The following PPP2R2A variants were observed in gnomAD, a reference collection of about 807,000 sequenced individuals.
The protein encoded by PPP2R2A is protein phosphatase 2 regulatory subunit Balpha.
PPP2R2A carries 9 observed loss-of-function variants against 53.2 expected under a neutral mutation model. The observed-to-expected ratio is 0.17, with a 90% CI of 0.10 to 0.30. The LOEUF (loss-of-function observed/expected upper bound fraction) is 0.30, where lower values mean the gene tolerates loss of function less well. Among genes scored for constraint, PPP2R2A ranks in the 10% least tolerant of loss-of-function variants. The probability of loss-of-function intolerance (pLI) is 1.00; values close to 1 mark genes in which losing one functional copy is unlikely to be tolerated. For synonymous variants in PPP2R2A, 169 were observed against 174.2 expected, an observed-to-expected ratio of 0.97 and a Z score of 0.23; for missense variants, 235 against 534.6, an observed-to-expected ratio of 0.44 and a Z score of 5.53.
intron 2 of PPP2R2A, among the ~76,000 whole-genome samples, chr8:26,326,187 T>C (rs944526140): frequency 2.6e-5 from 4 of 152,246 alleles, no homozygotes; most frequent in Non-Finnish European, 5.9e-5. Flanking sequence ...ATTTTACTAT[T>C]ACTGGCTCAG....
At chr8:26,307,592 T>G (rs1802081478) in intron 2 of PPP2R2A, among the ~76,000 whole-genome samples, 1 of 152,218 alleles carries the variant, frequency 6.6e-6, no homozygotes, top group Non-Finnish European at 1.5e-5. Flanking sequence ...CTGCTCAGGT[T>G]GATTGGAATA....
intron 2 of PPP2R2A, among the ~76,000 whole-genome samples, chr8:26,304,798 G>T (rs763715913): frequency 1.3e-5 from 2 of 152,156 alleles, no homozygotes; most frequent in Non-Finnish European, 2.9e-5. Flanking sequence ...TAAAGGAATT[G>T]GTAGTAGCAA....
rs761356400 is a variant in PPP2R2A, at chr8:26,291,775, C to G, written c.-45C>G. ...AGGTGAGGGGGGTGAGTTCAGGAAG[C>G]GGAGACCCCGAGGAACCCAGCAGGG... On this transcript the variant is annotated 5_prime_UTR_variant, in exon 1 of 10. Transcript: ENST00000380737. 1 of 1,590,676 alleles carries G rather than the reference C, an allele frequency of 6.3e-7. No homozygotes were observed. Among genetic ancestry groups the G allele is most frequent in the Non-Finnish European group, 8.5e-7 (1 of 1,169,862 alleles).
At chr8:26,344,487 C>A (rs898794490) in intron 3 of PPP2R2A, among the ~76,000 whole-genome samples, 1 of 152,140 alleles carries the variant, frequency 6.6e-6, no homozygotes, top group South Asian at 2.1e-4. Flanking sequence ...GAGGAAAGTA[C>A]GTGATCCTTA....
At chr8:26,339,034 C>T in intron 3 of PPP2R2A, 47 bp downstream of exon 3, 3 of 1,392,736 alleles carry the variant, frequency 2.2e-6, no homozygotes, top group African/African-American at 1.4e-5. Flanking sequence ...GATCTTAGGA[C>T]TAGAGCTTGT....
intron 4 of PPP2R2A, among the ~76,000 whole-genome samples, chr8:26,357,819 A>C (rs981567042): frequency 6.6e-6 from 1 of 152,038 alleles, no homozygotes; most frequent in Non-Finnish European, 1.5e-5. Flanking sequence ...ATTAGTGTTG[A>C]TAATTCAGGG....
chr8:26,339,397 AAGC>A (rs1206489614), intron 3 of PPP2R2A, among the ~76,000 whole-genome samples: 1 of 152,148 alleles, frequency 6.6e-6, no homozygotes, highest in African/African-American at 2.4e-5. Flanking sequence ...TTTAAAGAAA[AAGC>A]AGCTCAATTA....
At chr8:26,366,917 A>C (rs956800321) in intron 9 of PPP2R2A, among the ~76,000 whole-genome samples, 3 of 152,274 alleles carry the variant, frequency 2.0e-5, no homozygotes, top group Non-Finnish European at 4.4e-5. Context: ...GCCGTAGTGT[A>C]ATTCCTTTTT....
chr8:26,306,697 G>A (rs1458166303), intron 2 of PPP2R2A, among the ~76,000 whole-genome samples: 1 of 151,840 alleles, frequency 6.6e-6, no homozygotes, highest in Non-Finnish European at 1.5e-5. Flanking sequence ...ATAAAGGTTG[G>A]GCTTTATTAG....
chr8:26,327,130 G>A (rs181830091), intron 2 of PPP2R2A, among the ~76,000 whole-genome samples: 12 of 152,232 alleles, frequency 7.9e-5, no homozygotes, highest in Admixed American at 7.8e-4. Flanking sequence ...GCCTGAGTGG[G>A]GTCTTAGCTG....
chr8:26,312,407 T>C (rs773693411), intron 2 of PPP2R2A, among the ~76,000 whole-genome samples: 54 of 152,228 alleles, frequency 3.5e-4, no homozygotes, highest in Non-Finnish European at 7.3e-4. Flanking sequence ...GATGCTGGTG[T>C]TGCTGCTGGT....
intron 2 of PPP2R2A, among the ~76,000 whole-genome samples, chr8:26,308,615 C>G (rs886578714): frequency 1.3e-5 from 2 of 152,206 alleles, no homozygotes; most frequent in Admixed American, 1.3e-4. Context: ...AGTTCTCTCG[C>G]TATTTCCACT....
chr8:26,350,443 G>A (rs1019452325), intron 3 of PPP2R2A, among the ~76,000 whole-genome samples: 2 of 152,098 alleles, frequency 1.3e-5, no homozygotes, highest in African/African-American at 2.4e-5. Context: ...TGTTGCCCAG[G>A]TTGGAGTGTG....
chr8:26,333,724 T>C (rs1026875950), intron 2 of PPP2R2A, among the ~76,000 whole-genome samples: 1 of 152,200 alleles, frequency 6.6e-6, no homozygotes, highest in African/African-American at 2.4e-5. Context: ...ATGTGTTCTA[T>C]TGTGTTTCTT....
intron 2 of PPP2R2A, among the ~76,000 whole-genome samples, chr8:26,331,274 G>A (rs779947315): frequency 6.6e-6 from 1 of 152,034 alleles, no homozygotes; most frequent in African/African-American, 2.4e-5. Flanking sequence ...TTCATTGTCC[G>A]TTGTCTGAAA....
chr8:26,360,146 A>G lies in PPP2R2A; in HGVS notation c.347-23A>G. 4 of 1,342,070 alleles carry G rather than the reference A, an allele frequency of 3.0e-6. No individual in the cohort carries two copies. Among genetic ancestry groups the G allele is most frequent in the Non-Finnish European group, 3.2e-6 (3 of 946,542 alleles). 83.1% of individuals were successfully genotyped at this position (1,342,070 alleles called of 1,614,324 possible). A position where few individuals can be genotyped will look rare whatever the true frequency, so the allele number is the denominator to read the frequency against. On this transcript the variant is annotated intron_variant, in intron 4 of 9. Coordinates refer to ENST00000380737, the MANE Select transcript of PPP2R2A (RefSeq NM_002717.4). This position sits in a 1 kb window ranked among gnomAD's most constrained non-coding sequence, Gnocchi z 4.5. ...GTTTTTCTTCTTCAGTATTTTAAGG[A>G]CTTTTCTTTATTTTCTTCCCAGATA... is the stretch of plus-strand genomic sequence containing the variant.
At chr8:26,308,797 A>T (rs532118037) in intron 2 of PPP2R2A, among the ~76,000 whole-genome samples, 70 of 152,232 alleles carry the variant, frequency 4.6e-4, no homozygotes, top group African/African-American at 1.7e-3. Flanking sequence ...GGAGGTTTTC[A>T]GTTGACTTTG....
At chr8:26,367,130 A>G (rs1031047204) in intron 9 of PPP2R2A, among the ~76,000 whole-genome samples, 1 of 152,164 alleles carries the variant, frequency 6.6e-6, no homozygotes, top group Non-Finnish European at 1.5e-5. Context: ...TTCCGATTTC[A>G]TGGTGTTGTG....
chr8:26,314,971 C>G (rs1316604092), intron 2 of PPP2R2A, among the ~76,000 whole-genome samples: 1 of 128,228 alleles, frequency 7.8e-6, no homozygotes, highest in East Asian at 2.5e-4. Flanking sequence ...TCAACTCTTT[C>G]ATTTATTTTT....
Sources: gnomAD v4.1 joint callset for allele counts (sites outside exome capture counted in the v4.1 genomes callset) on GRCh38, gnomAD v4.1.1 for gene constraint, Gnocchi (gnomAD v3.1) non-coding constraint, MANE v1.5 for transcripts, NCBI Gene and HGNC (gene_info 2026-07-23, HGNC 2026-07-21) for gene names.